The following RGL1 variants were observed in gnomAD, a reference collection of about 807,000 sequenced individuals.
The protein encoded by RGL1 is ral guanine nucleotide dissociation stimulator like 1, also known as ral guanine nucleotide dissociation stimulator-like 1.
RGL1 carries 24 observed loss-of-function variants against 95.2 expected under a neutral mutation model. The ratio of observed to expected loss-of-function variants is 0.25; its 90% CI spans 0.18 to 0.35. The LOEUF (loss-of-function observed/expected upper bound fraction) is 0.35, where lower values mean the gene tolerates loss of function less well. Ranked by LOEUF, RGL1 falls within the 10% of genes least tolerant of loss-of-function variation. The probability of loss-of-function intolerance (pLI) is 1.00; values close to 1 mark genes in which losing one functional copy is unlikely to be tolerated. For synonymous variants in RGL1, 329 were observed against 344.9 expected (o/e 0.95, Z 0.51); for missense variants, 715 against 936.3 (o/e 0.76, Z 3.08).
rs373383719 is a variant in RGL1, at chr1:183,738,199, C to G, written c.-32-3927C>G. ...CTTTGGGAGGCCGAGGCAGGCAGAT[C>G]ACCTGAGGTCAGGAGTTCCAGACCA... On this transcript the variant is annotated intron_variant, in intron 1 of 18. Coordinates refer to the RGL1 transcript ENST00000304685. Among the ~76,000 whole-genome samples the G allele has an allele frequency of 4.8e-4, 73 of 152,110 alleles. No homozygotes were observed. In the South Asian group the frequency reaches 5.4e-3, roughly 11 times the overall value.
chr1:183,795,594 G>A (rs151315136), intron 2 of RGL1, among the ~76,000 whole-genome samples: 119 of 152,324 alleles, frequency 7.8e-4, no homozygotes, highest in African/African-American at 2.7e-3. Flanking sequence ...TTAGAGGAAG[G>A]AAGCTGAAGA....
chr1:183,831,856 A>G (rs1252809550), intron 2 of RGL1, among the ~76,000 whole-genome samples: 4 of 152,246 alleles, frequency 2.6e-5, no homozygotes, highest in African/African-American at 4.8e-5. Flanking sequence ...CTATAATTAA[A>G]TAAATACAAC....
At chr1:183,677,184 C>T (rs1423936723) in intron 1 of RGL1, among the ~76,000 whole-genome samples, 3 of 151,188 alleles carry the variant, frequency 2.0e-5, no homozygotes, top group East Asian at 1.9e-4. Context: ...TATTCCAAAT[C>T]GTATTTTTGC....
intron 2 of RGL1, among the ~76,000 whole-genome samples, chr1:183,782,997 TACTGAATTTCTAAAGATA>T (rs1449048700): frequency 2.6e-5 from 4 of 152,132 alleles, no homozygotes; most frequent in African/African-American, 4.8e-5. Flanking sequence ...TTTCCACTGG[TACTGAATTTCTAAAGATA>T]ACTGAATTTC....
chr1:183,805,150 G>A lies in RGL1; in HGVS notation c.-148G>A. On this transcript the variant is annotated 5_prime_UTR_variant, in exon 1 of 18. Coordinates refer to ENST00000360851, the MANE Select transcript of RGL1 (RefSeq NM_001297671.3). The stretch of plus-strand genomic sequence containing the variant: ...CCGAGTCGCGCGCACCGGCGGCGGC[G>A]GGGGCAGCGCGGCGCGTGTCTGTGC... 1.9e-6 allele frequency: 2 copies of A among 1,068,584 alleles called. No homozygotes were observed. The highest frequency in any genetic ancestry group is 2.4e-6 in the Non-Finnish European group (2 of 823,344). 66.2% of individuals were successfully genotyped at this position (1,068,584 alleles called of 1,614,324 possible).
intron 1 of RGL1, among the ~76,000 whole-genome samples, 179 bp downstream of exon 1, chr1:183,805,503 A>T (rs1661231979): frequency 6.6e-6 from 1 of 152,124 alleles, no homozygotes; most frequent in South Asian, 2.1e-4. Flanking sequence ...TCTCCCTTTC[A>T]ACCGTACCTA....
chr1:183,794,291 G>GGA (rs1214921024), intron 2 of RGL1, among the ~76,000 whole-genome samples: 1 of 152,180 alleles, frequency 6.6e-6, no homozygotes, highest in Non-Finnish European at 1.5e-5. Context: ...TGGAAAAGGT[G>GGA]GAGAGGGGGA....
At chr1:183,913,804 A>G (rs145523126) in intron 15 of RGL1, among the ~76,000 whole-genome samples, 5 of 152,244 alleles carry the variant, frequency 3.3e-5, no homozygotes, top group African/African-American at 1.2e-4. Flanking sequence ...CCAATCCAGG[A>G]AAAGCATCAT....
intron 14 of RGL1, among the ~76,000 whole-genome samples, chr1:183,911,188 A>G (rs1668622414): frequency 6.6e-6 from 1 of 152,182 alleles, no homozygotes; most frequent in Non-Finnish European, 1.5e-5. Flanking sequence ...GAGAGTTTCT[A>G]ACCCCATAGA....
chr1:183,759,210 G>A (rs1658518799), intron 2 of RGL1, among the ~76,000 whole-genome samples: 1 of 152,174 alleles, frequency 6.6e-6, no homozygotes. Context: ...ACACGATTGT[G>A]GTCATGAGGC....
intron 8 of RGL1, among the ~76,000 whole-genome samples, chr1:183,889,594 G>A (rs1405517797): frequency 6.6e-6 from 1 of 152,166 alleles, no homozygotes; most frequent in African/African-American, 2.4e-5. Flanking sequence ...GTAAACCAGA[G>A]TTTCATAAAT....
At position 183,880,219 on chromosome 1, in the gene RGL1, A is replaced by T. The variant is rs79893760; in HGVS notation, c.426-397A>T. ...CCTACCGGCAGTCAGTTATTTCCTA[A>T]CATATTAGGTGGCAGATTTTGTGGG... On this transcript the variant is annotated intron_variant, in intron 4 of 17. Transcript: ENST00000360851. 4.7e-4 allele frequency among the ~76,000 whole-genome samples: 72 copies of T among 152,304 alleles called. 1 individual carries two copies. The East Asian group carries it at 0.013, about 28-fold the overall frequency.
intron 1 of RGL1, among the ~76,000 whole-genome samples, chr1:183,699,386 T>C (rs992619508): frequency 6.6e-5 from 10 of 152,228 alleles, no homozygotes; most frequent in Non-Finnish European, 1.3e-4. Flanking sequence ...TTTAACTCCA[T>C]CTTTATCTCT....
At chr1:183,706,026 A>G (rs1014099490) in intron 1 of RGL1, among the ~76,000 whole-genome samples, 1 of 152,008 alleles carries the variant, frequency 6.6e-6, no homozygotes, top group African/African-American at 2.4e-5. Context: ...TTAACTATGG[A>G]TGGGGGATAA....
chr1:183,656,465 T>G (rs192712462), intron 1 of RGL1, among the ~76,000 whole-genome samples: 1 of 152,374 alleles, frequency 6.6e-6, no homozygotes, highest in African/African-American at 2.4e-5. Flanking sequence ...TGTAACCTAC[T>G]CTTGTACCAA....
intron 1 of RGL1, among the ~76,000 whole-genome samples, chr1:183,664,435 GT>G (rs1206073696): frequency 6.6e-6 from 1 of 152,022 alleles, no homozygotes; most frequent in Non-Finnish European, 1.5e-5. Context: ...ATCTGTACTA[GT>G]TTAGAATTAT....
chr1:183,858,967 G>A (rs1294695994), intron 3 of RGL1, among the ~76,000 whole-genome samples: 4 of 152,202 alleles, frequency 2.6e-5, no homozygotes, highest in South Asian at 2.1e-4. Context: ...GCTTTTTGTG[G>A]TTGGGGAAAA....
At chr1:183,647,752 T>C in intron 1 of RGL1, 1 of 1,614,170 alleles carries the variant, frequency 6.2e-7, no homozygotes, top group Non-Finnish European at 8.5e-7. Flanking sequence ...ATTTCCACTA[T>C]CTCCACTGAC....
At chr1:183,728,429 G>A (rs1038869270) in intron 1 of RGL1, among the ~76,000 whole-genome samples, 8 of 152,016 alleles carry the variant, frequency 5.3e-5, no homozygotes, top group African/African-American at 1.7e-4. Context: ...GGAGAACCCT[G>A]ACCACTCCAA....
Sources: allele counts gnomAD v4.1 joint callset (sites outside exome capture counted in the v4.1 genomes callset), GRCh38; gene constraint gnomAD v4.1.1; transcripts MANE v1.5; gene names NCBI Gene and HGNC (gene_info 2026-07-23, HGNC 2026-07-21).